Variants in EIF1AD observed in about 807,000 individuals in gnomAD.
EIF1AD encodes eukaryotic translation initiation factor 1A domain containing.
Under a neutral mutation model 21.7 loss-of-function variants are expected in EIF1AD, and 9 were observed. The observed-to-expected ratio is 0.41, with a 90% CI of 0.25 to 0.72. The LOEUF (loss-of-function observed/expected upper bound fraction) is 0.72. Ranked by LOEUF, EIF1AD falls within the 30% of genes least tolerant of loss-of-function variation. The pLI is 0.29. For missense variants in EIF1AD, 164 were observed against 199.7 expected (o/e 0.82, Z 1.08); for synonymous variants, 78 against 70.9 (o/e 1.10, Z -0.50).
chr11:65,996,725 C>A lies in EIF1AD; in HGVS notation c.*1874G>T, dbSNP rs1053572663. ...ACGTGGGAATCAGTACAGGTTTTCA[C>A]GCCTGTTTCAGAAATGGGAGATTCT... On this transcript the variant is annotated 3_prime_UTR_variant, in exon 6 of 6. Coordinates refer to ENST00000533544, the MANE Select transcript of EIF1AD (RefSeq NM_001242481.2). The A allele has an allele frequency of 1.3e-5, 2 of 152,252 alleles. No individual in the cohort carries two copies. Among genetic ancestry groups the A allele is most frequent in the South Asian group, 4.1e-4 (2 of 4,830 alleles). 9.4% of individuals were successfully genotyped at this position (152,252 alleles called of 1,614,324 possible).
chr11:65,999,783 CTCTTT>C, intron 3 of EIF1AD, 108 bp from the exon 4 acceptor site: 4 of 782,764 alleles, frequency 5.1e-6, no homozygotes, highest in Non-Finnish European at 8.4e-6. Flanking sequence ...TCTCACCTCT[CTCTTT>C]TTTCTTTTTT....
At chr11:65,999,781 CTCTCTT>C (rs1035616129) in intron 3 of EIF1AD, 106 bp from the exon 4 acceptor site, 2 of 792,880 alleles carry the variant, frequency 2.5e-6, no homozygotes, top group African/African-American at 3.5e-5. Context: ...TCTCTCACCT[CTCTCTT>C]TTTTCTTTTT....
intron 1 of EIF1AD, among the ~76,000 whole-genome samples, chr11:66,001,571 T>C (rs72930958): frequency 0.02 from 3,076 of 152,012 alleles, 26 homozygotes; most frequent in Non-Finnish European, 0.024. Context: ...GCAACCTCTC[T>C]GGAAGGAGTT....
rs1188134295 is a variant in EIF1AD at position 66,000,063 on chromosome 11, C to A, written c.186G>T (p.Trp62Cys). Residue 62 changes from tryptophan (W) to cysteine (C), a missense_variant, in exon 3 of 6, where the codon TGG (tryptophan) becomes TGT (cysteine). Physicochemically the swap from Trp to Cys is radical, Grantham distance 215. Transcript: ENST00000533544. Reference protein sequence around the residue: ...SMPSKYRKNIWIKRGDFLIVD... With the variant: ...SMPSKYRKNICIKRGDFLIVD... ...GAGTAATCCTCTCACCTCTCTTGAT[C>A]CAGATGTTCTTGCGGTATTTGGAGG... The A allele has an allele frequency of 6.2e-7, 1 of 1,613,332 alleles. No homozygotes were observed. Among genetic ancestry groups the A allele is most frequent in the Non-Finnish European group, 8.5e-7 (1 of 1,179,392 alleles).
chr11:66,001,471 C>CAAAA (rs397944986), intron 1 of EIF1AD, among the ~76,000 whole-genome samples: 24 of 79,300 alleles, frequency 3.0e-4, no homozygotes, highest in South Asian at 4.6e-4. Flanking sequence ...GACTCCGTCT[C>CAAAA]AAAAAAAAAA....
chr11:66,000,377 T>C lies in EIF1AD; in HGVS notation c.13A>G (p.Thr5Ala). 1 of 1,611,018 alleles carries C rather than the reference T, an allele frequency of 6.2e-7. No homozygotes were observed. Among genetic ancestry groups the C allele is most frequent in the South Asian group, 1.1e-5 (1 of 90,338 alleles). MSQA[T>A]KRKHVVKEVL... Reference sequence around the variant, plus strand: ...TCCTTCACCACATGCTTCCTCTTGGTGGCCTGAGACATGCTGAAGTCGTCC... The same window carrying C: ...TCCTTCACCACATGCTTCCTCTTGGCGGCCTGAGACATGCTGAAGTCGTCC... The change falls in exon 2 of 6, where the codon ACC becomes GCC. Residue 5 changes from threonine (T) to alanine (A), a missense_variant. Transcript: ENST00000533544.
intron 1 of EIF1AD, 60 bp from the exon 2 acceptor site, chr11:66,000,565 T>C (rs1002541002): frequency 4.8e-6 from 3 of 620,602 alleles, no homozygotes; most frequent in East Asian, 2.8e-5. Context: ...ACTGCCTGGA[T>C]TCAAATCCTA....
chr11:65,998,451 A>T lies in EIF1AD; in HGVS notation c.*148T>A. The T allele has an allele frequency of 1.0e-6, 1 of 1,002,184 alleles. No homozygotes were observed. The highest frequency in any genetic ancestry group is 1.4e-6 in the Non-Finnish European group (1 of 710,840). 62.1% of individuals were successfully genotyped at this position (1,002,184 alleles called of 1,614,324 possible). A position where few individuals can be genotyped will look rare whatever the true frequency, so the allele number is the denominator to read the frequency against. ...CAAGTCACCAACCCACCAGGGGTTT[A>T]ATTCTCTGAATCAAAAGATCAGTTC... On this transcript the variant is annotated 3_prime_UTR_variant, in exon 6 of 6. Transcript: ENST00000533544.
intron 5 of EIF1AD, 23 bp from the exon 6 acceptor site, chr11:65,998,766 G>GGTTA (rs1565326810): frequency 6.2e-7 from 1 of 1,609,660 alleles, no homozygotes; most frequent in Non-Finnish European, 8.5e-7. Flanking sequence ...AAGAGAGCAG[G>GGTTA]GTTAGCCCAG....
Position 65,998,613 on chromosome 11 carries a change from C to T in EIF1AD, c.484G>A (p.Glu162Lys), listed in dbSNP as rs372047399. The change falls in exon 6 of 6, where the codon GAG becomes AAG. Residue 162 changes from glutamate (E) to lysine (K), a missense_variant. By Grantham distance (56) the Glu-to-Lys change is moderately conservative. Coordinates refer to ENST00000533544, the MANE Select transcript of EIF1AD (RefSeq NM_001242481.2). ...GTCCTGGAGTCTCAGGCTGCCTCCTCCTCTTCACTCTCCTCCTCACTCTCA... is the reference window on the plus strand; with the variant it reads ...GTCCTGGAGTCTCAGGCTGCCTCCTTCTCTTCACTCTCCTCCTCACTCTCA... ...YHESEEESEE[E>K]EAA 5 of 1,613,826 alleles carry T rather than the reference C, an allele frequency of 3.1e-6. No individual in the cohort carries two copies. In the African/African-American group the frequency reaches 6.7e-5, roughly 22 times the overall value.
Position 65,998,526 on chromosome 11 carries a change from ACC to A in EIF1AD, c.*71_*72del. 1 of 1,563,992 alleles carries A rather than the reference ACC, an allele frequency of 6.4e-7. No individual in the cohort carries two copies. Among genetic ancestry groups the A allele is most frequent in the South Asian group, 1.2e-5 (1 of 84,332 alleles). ...ATGCAGGGGTGAAGATGTGCAGAGCACCCTGGGAATGTCCAAGCCCAGAAGAG... is the reference window on the plus strand; with the variant it reads ...ATGCAGGGGTGAAGATGTGCAGAGCACTGGGAATGTCCAAGCCCAGAAGAG... On this transcript the variant is annotated 3_prime_UTR_variant, in exon 6 of 6. Coordinates refer to ENST00000533544, the MANE Select transcript of EIF1AD (RefSeq NM_001242481.2).
chr11:66,000,660 GCCA>G (rs2134960248), intron 1 of EIF1AD, 155 bp from the exon 2 acceptor site: 1 of 379,876 alleles, frequency 2.6e-6, no homozygotes, highest in South Asian at 4.0e-5. Flanking sequence ...ATGGTATGAG[GCCA>G]CCACTTCTCC....
rs1301291074 is a variant in EIF1AD, at chr11:66,000,484, G to A, written c.-95C>T. 7 of 1,280,958 alleles carry A rather than the reference G, an allele frequency of 5.5e-6. No homozygotes were observed. The highest frequency in any genetic ancestry group is 7.7e-6 in the Non-Finnish European group (7 of 910,636). 79.3% of individuals were successfully genotyped at this position (1,280,958 alleles called of 1,614,324 possible). ...CAGGCTCAGAACCCAGGACTGTTCT[G>A]AAGATGGGGAGGGGCCTTTTACTGA... On this transcript the variant is annotated 5_prime_UTR_variant, in exon 2 of 6. Coordinates refer to ENST00000533544, the MANE Select transcript of EIF1AD (RefSeq NM_001242481.2).
chr11:65,999,365 T>C lies in EIF1AD; in HGVS notation c.338A>G (p.His113Arg), dbSNP rs1240031587. Residue 113 changes from histidine to arginine, a missense_variant, in exon 5 of 6, where the codon CAC (histidine) becomes CGC (arginine). Physicochemically the swap from His to Arg is conservative, Grantham distance 29. Transcript: ENST00000533544. ...PEAFSEVAEKHNNRNRQTQPE... is the reference protein window; with the variant it reads ...PEAFSEVAEKRNNRNRQTQPE... Reference sequence around the variant, plus strand: ...TGTTCCTCACCTGTTCCTGTTGTTGTGTTTCTCAGCCACTTCAGAGAAGGC... The same window carrying C: ...TGTTCCTCACCTGTTCCTGTTGTTGCGTTTCTCAGCCACTTCAGAGAAGGC... 3 of 1,614,256 alleles carry C rather than the reference T, an allele frequency of 1.9e-6. No individual in the cohort carries two copies. The highest frequency in any genetic ancestry group is 2.2e-5 in the South Asian group (2 of 91,088).
Position 65,998,625 on chromosome 11 carries a change from C to T in EIF1AD, c.472G>A (p.Glu158Lys), listed in dbSNP as rs1229518842. Residue 158 changes from glutamate to lysine, a missense_variant, in exon 6 of 6, where the codon GAG becomes AAG. Physicochemically the swap from Glu to Lys is moderately conservative, Grantham distance 56. Transcript: ENST00000533544. ...CAGGCTGCCTCCTCCTCTTCACTCTCCTCCTCACTCTCATGATACTGTCTG... is the reference window on the plus strand; with the variant it reads ...CAGGCTGCCTCCTCCTCTTCACTCTTCTCCTCACTCTCATGATACTGTCTG... ...NRRQYHESEE[E>K]SEEEEAA The T allele has an allele frequency of 6.2e-7, 1 of 1,613,958 alleles. No homozygotes were observed. The highest frequency in any genetic ancestry group is 1.3e-5 in the African/African-American group (1 of 74,910).
chr11:66,001,451 G>A lies in EIF1AD; in HGVS notation c.-117+459C>T, dbSNP rs1314739625. Among the ~76,000 whole-genome samples, 7 of 121,888 alleles carry A rather than the reference G, an allele frequency of 5.7e-5. No homozygotes were observed. The East Asian group carries it at 1.7e-3, about 30-fold the overall frequency. The allele number at this position is 121,888 out of a possible 152,430, so 80.0% of individuals were successfully genotyped here. On this transcript the variant is annotated intron_variant, in intron 1 of 5. Coordinates refer to ENST00000533544, the MANE Select transcript of EIF1AD (RefSeq NM_001242481.2). The stretch of plus-strand genomic sequence containing the variant: ...CGCGCCACTGCACTCCAGCCTGGGC[G>A]ACAGAGCAAGACTCCGTCTCAAAAA...
intron 1 of EIF1AD, chr11:66,000,798 C>T (rs1855917548): frequency 5.8e-6 from 1 of 173,254 alleles, no homozygotes; most frequent in East Asian, 1.5e-4. Context: ...ACCTTGGCAC[C>T]ACCACCTGGC....
intron 5 of EIF1AD, 72 bp from the exon 6 acceptor site, chr11:65,998,815 C>CA (rs1855825775): frequency 7.7e-6 from 12 of 1,549,800 alleles, no homozygotes; most frequent in African/African-American, 2.8e-5. Context: ...CAAGGAGTTC[C>CA]AAAAAAAGGA....
rs1359882056 is a variant in EIF1AD, at chr11:65,998,620, A to G, written c.477T>C (p.Ser159=). Residue 159 remains serine, a synonymous_variant, in exon 6 of 6, where the codon AGT becomes AGC. Coordinates refer to ENST00000533544, the MANE Select transcript of EIF1AD (RefSeq NM_001242481.2). ...AGTCTCAGGCTGCCTCCTCCTCTTC[A>G]CTCTCCTCCTCACTCTCATGATACT... ...RRQYHESEEE[S]EEEEAA 1.2e-6 allele frequency: 2 copies of G among 1,613,570 alleles called. No individual in the cohort carries two copies. Among genetic ancestry groups the G allele is most frequent in the Admixed American group, 1.7e-5 (1 of 59,962 alleles).
Sources: gnomAD v4.1 joint callset for allele counts (sites outside exome capture counted in the v4.1 genomes callset) on GRCh38, gnomAD v4.1.1 for gene constraint, MANE v1.5 for transcripts, NCBI Gene and HGNC (gene_info 2026-07-23, HGNC 2026-07-21) for gene names.